The following DCC variants were observed in gnomAD, a reference collection of about 807,000 sequenced individuals.
DCC encodes netrin receptor DCC.
Under a neutral mutation model 172.5 loss-of-function variants are expected in DCC, and 58 were observed. That is an observed-to-expected ratio of 0.34 (90% CI 0.27 to 0.42). The LOEUF (loss-of-function observed/expected upper bound fraction) is 0.42, where lower values mean the gene tolerates loss of function less well. DCC is among the 10% of genes least tolerant of loss of function. The probability of loss-of-function intolerance (pLI) is 1.00; values close to 1 mark genes in which losing one functional copy is unlikely to be tolerated. For synonymous variants in DCC, 709 were observed against 644.5 expected (o/e 1.10, Z -1.52); for missense variants, 1,740 against 1,791.0 (o/e 0.97, Z 0.51).
At chr18:52,777,512 T>G (rs2037456140) in intron 2 of DCC, among the ~76,000 whole-genome samples, 1 of 152,202 alleles carries the variant, frequency 6.6e-6, no homozygotes, top group Admixed American at 6.5e-5. Context: ...TAGCCCAGAA[T>G]GATCATCTCA....
intron 7 of DCC, among the ~76,000 whole-genome samples, chr18:53,130,952 C>A (rs759241490): frequency 6.6e-6 from 1 of 151,846 alleles, no homozygotes. Flanking sequence ...GGCTTGAGGG[C>A]GATCGAATTA....
chr18:53,121,480 T>C (rs1303944739), intron 7 of DCC, among the ~76,000 whole-genome samples: 1 of 151,916 alleles, frequency 6.6e-6, no homozygotes, highest in Non-Finnish European at 1.5e-5. Flanking sequence ...ACAACCTCTA[T>C]CTCAGATATA....
In DCC at chr18:53,166,106, A is replaced by G. The variant is rs369138851; in HGVS notation, c.1418+8594A>G. Among the ~76,000 whole-genome samples, 49 of 152,146 alleles carry G rather than the reference A, an allele frequency of 3.2e-4. 1 individual carries two copies. Among genetic ancestry groups the G allele is most frequent in the East Asian group, 1.2e-3 (6 of 5,196 alleles). ...GAGCAGCAGAGAGAACTTTGTAGAT[A>G]TTTAGGGGGCAAAACTGACAGGACT... On this transcript the variant is annotated intron_variant, in intron 8 of 28. Coordinates refer to ENST00000442544, the MANE Select transcript of DCC (RefSeq NM_005215.4).
intron 2 of DCC, among the ~76,000 whole-genome samples, chr18:52,855,909 G>A (rs1229487109): frequency 6.6e-6 from 1 of 151,568 alleles, no homozygotes; most frequent in Non-Finnish European, 1.5e-5. Flanking sequence ...GGGATTACAG[G>A]CACGTGCCAC....
chr18:52,827,238 A>G (rs992412182), intron 2 of DCC, among the ~76,000 whole-genome samples: 1 of 152,200 alleles, frequency 6.6e-6, no homozygotes, highest in Non-Finnish European at 1.5e-5. Context: ...TTTAGTATTT[A>G]AATTCCTTCT....
chr18:53,176,373 C>A, intron 8 of DCC, among the ~76,000 whole-genome samples: 6 of 138,078 alleles, frequency 4.3e-5, no homozygotes, highest in South Asian at 2.5e-4. Flanking sequence ...AAAGAAACTA[C>A]CATCAGAGTG....
intron 1 of DCC, among the ~76,000 whole-genome samples, chr18:52,356,890 C>T (rs560826261): frequency 2.0e-5 from 3 of 152,144 alleles, no homozygotes; most frequent in African/African-American, 7.2e-5. Context: ...TCAAGCAATT[C>T]TCCTGCCTCA....
chr18:52,948,088 T>G (rs1477406434), intron 5 of DCC, among the ~76,000 whole-genome samples: 1 of 152,174 alleles, frequency 6.6e-6, no homozygotes, highest in East Asian at 1.9e-4. Context: ...ATGAAAAATT[T>G]TTAAAGGGAG....
chr18:52,415,560 A>G (rs904535322), intron 1 of DCC, among the ~76,000 whole-genome samples: 3 of 152,132 alleles, frequency 2.0e-5, no homozygotes, highest in Admixed American at 1.3e-4. Flanking sequence ...GAGGCCTTAC[A>G]TGGTAACTAA....
At chr18:52,623,217 A>C (rs556241149) in intron 1 of DCC, among the ~76,000 whole-genome samples, 43 of 152,358 alleles carry the variant, frequency 2.8e-4, no homozygotes, top group African/African-American at 9.1e-4. Context: ...ATGAGGAAGA[A>C]ATACTACAGG....
chr18:52,755,155 A>T (rs1283075968), intron 2 of DCC, among the ~76,000 whole-genome samples: 7 of 152,192 alleles, frequency 4.6e-5, no homozygotes, highest in Admixed American at 3.9e-4. Context: ...GTCACTAGAG[A>T]ATTTCTGGCC....
At chr18:52,454,567 A>G (rs1375582378) in intron 1 of DCC, among the ~76,000 whole-genome samples, 1 of 152,156 alleles carries the variant, frequency 6.6e-6, no homozygotes, top group African/African-American at 2.4e-5. Context: ...GTGGTCACTA[A>G]ACAGTTCATC....
chr18:52,389,347 C>T (rs1424878429), intron 1 of DCC, among the ~76,000 whole-genome samples: 1 of 152,094 alleles, frequency 6.6e-6, no homozygotes, highest in Non-Finnish European at 1.5e-5. Flanking sequence ...TCGCATGGAA[C>T]ATATTTCTAC....
rs1004146748 is a variant in DCC, at chr18:52,684,354, C to T, written c.92-67700C>T. On this transcript the variant is annotated intron_variant, in intron 1 of 28. Transcript: ENST00000442544. ...AATTTTTCCCACAATTAAAATCTTT[C>T]ATTATGCTACTTCAAAGCTAATTTC... Among the ~76,000 whole-genome samples, 3 of 148,840 alleles carry T rather than the reference C, an allele frequency of 2.0e-5. No homozygotes were observed. In the Admixed American group the frequency reaches 2.1e-4, roughly 10 times the overall value.
chr18:53,510,945 T>C (rs2046244006), intron 27 of DCC, among the ~76,000 whole-genome samples: 1 of 152,222 alleles, frequency 6.6e-6, no homozygotes, highest in Admixed American at 6.5e-5. Flanking sequence ...GCCTACCTTG[T>C]AGAATTTTTT....
chr18:53,370,180 T>C (rs1407029871), intron 15 of DCC, among the ~76,000 whole-genome samples: 1 of 151,818 alleles, frequency 6.6e-6, no homozygotes, highest in Non-Finnish European at 1.5e-5. Flanking sequence ...TAGTCTTGGT[T>C]GGTAGTATGT....
At chr18:53,490,596 C>G (rs1432009020) in intron 26 of DCC, among the ~76,000 whole-genome samples, 4 of 152,182 alleles carry the variant, frequency 2.6e-5, no homozygotes, top group African/African-American at 9.7e-5. Flanking sequence ...TCACTCGATA[C>G]TCTGAATTGC....
intron 2 of DCC, among the ~76,000 whole-genome samples, chr18:52,831,351 A>G (rs1443728137): frequency 6.6e-6 from 1 of 152,114 alleles, no homozygotes; most frequent in African/African-American, 2.4e-5. Flanking sequence ...TGAAAAGCCA[A>G]AGAAGGAGAA....
chr18:52,977,607 C>T lies in DCC; in HGVS notation c.985+52237C>T, dbSNP rs766313427. Among the ~76,000 whole-genome samples, 10 of 152,156 alleles carry T rather than the reference C, an allele frequency of 6.6e-5. 1 individual carries two copies. The highest frequency in any genetic ancestry group is 2.0e-4 in the Admixed American group (3 of 15,290). On this transcript the variant is annotated intron_variant, in intron 5 of 28. Coordinates refer to ENST00000442544, the MANE Select transcript of DCC (RefSeq NM_005215.4). ...GCTTTCAAGAAAAGCATATCTGGGC[C>T]GGGCGCAGTGGCTCATGCCTGTAGT...
Sources: allele counts gnomAD v4.1 joint callset (sites outside exome capture counted in the v4.1 genomes callset), GRCh38; gene constraint gnomAD v4.1.1; transcripts MANE v1.5; gene names NCBI Gene and HGNC (gene_info 2026-07-23, HGNC 2026-07-21).